Variants in DNAH17 observed in about 807,000 individuals in gnomAD.
The protein encoded by DNAH17 is dynein axonemal heavy chain 17.
DNAH17 carries 376 observed loss-of-function variants against 485.6 expected under a neutral mutation model. That is an observed-to-expected ratio of 0.77 (90% CI 0.71 to 0.84). The LOEUF is 0.84. DNAH17 is among the 40% of genes least tolerant of loss of function. The pLI, the probability that DNAH17 is intolerant of heterozygous loss-of-function variation, is 0.00. For synonymous variants in DNAH17, 3,031 were observed against 2,405.9 expected (o/e 1.26, Z -7.60); for missense variants, 6,370 against 5,839.3 (o/e 1.09, Z -2.96).
chr17:78,460,861 T>C (rs2088084533), intron 58 of DNAH17, among the ~76,000 whole-genome samples: 1 of 152,178 alleles, frequency 6.6e-6, no homozygotes, highest in Non-Finnish European at 1.5e-5. Context: ...AAGTAGCACC[T>C]CCTTCATTCA....
intron 16 of DNAH17, among the ~76,000 whole-genome samples, chr17:78,545,876 A>G (rs1019416552): frequency 2.6e-5 from 4 of 152,130 alleles, no homozygotes; most frequent in South Asian, 2.1e-4. Context: ...AGCTAAATAT[A>G]TATTTTTGCC....
intron 74 of DNAH17, among the ~76,000 whole-genome samples, chr17:78,435,008 A>G (rs1208487335): frequency 6.6e-6 from 1 of 152,234 alleles, no homozygotes; most frequent in Non-Finnish European, 1.5e-5. Context: ...CCTGGGCATC[A>G]TGGAAAGCCT....
chr17:78,476,304 G>A (rs1309284143), intron 52 of DNAH17, among the ~76,000 whole-genome samples: 1 of 148,950 alleles, frequency 6.7e-6, no homozygotes, highest in Non-Finnish European at 1.5e-5. Flanking sequence ...CCAAGTGCCG[G>A]AATTATCACG....
At chr17:78,513,159 C>G (rs556700194) in intron 26 of DNAH17, among the ~76,000 whole-genome samples, 1 of 151,912 alleles carries the variant, frequency 6.6e-6, no homozygotes, top group Non-Finnish European at 1.5e-5. Flanking sequence ...CAGGCCATGA[C>G]GGGAAGGAGG....
intron 51 of DNAH17, among the ~76,000 whole-genome samples, chr17:78,478,000 C>CATT (rs2089131079): frequency 8.3e-6 from 1 of 120,912 alleles, no homozygotes; most frequent in African/African-American, 4.5e-5. Context: ...TCACCACCAC[C>CATT]ATCATCACCA....
At position 78,569,501 on chromosome 17, in the gene DNAH17, C is replaced by G. The variant is rs780919915; in HGVS notation, c.1071G>C (p.Glu357Asp). Residue 357 changes from glutamate (E) to aspartate (D), a missense_variant, in exon 8 of 81, where the codon GAG becomes GAC. Coordinates refer to ENST00000389840, the MANE Select transcript of DNAH17 (RefSeq NM_173628.4). ...EMTRTFLSPE[E>D]VLKGLQGEIE... is the part of the protein sequence containing the mutation. ...TTTCACCTTGCAGGCCCTTCAGCAC[C>G]TCTTCCGGGCTCAGGAAGGTTCGTG... 7 of 1,608,278 alleles carry G rather than the reference C, an allele frequency of 4.4e-6. No individual in the cohort carries two copies. In the African/African-American group the frequency reaches 5.3e-5, roughly 12 times the overall value.
chr17:78,551,604 A>T lies in DNAH17; in HGVS notation c.2322T>A (p.Ile774=). ...VFQYIQEVRE[I]LHNLQNRMQK... ...GCATCCTGTTCTGCAAGTTGTGCAG[A>T]ATTTCTCGCACCTCTTGAATGTACT... Residue 774 remains isoleucine (I), a synonymous_variant, in exon 16 of 81, where the codon ATT becomes ATA. Transcript: ENST00000389840. The T allele has an allele frequency of 6.2e-7, 1 of 1,614,002 alleles. No individual in the cohort carries two copies. Among genetic ancestry groups the T allele is most frequent in the Non-Finnish European group, 8.5e-7 (1 of 1,179,896 alleles).
Position 78,507,289 on chromosome 17 carries a change from G to T in DNAH17, c.4665C>A (p.Ala1555=). 1 of 1,613,898 alleles carries T rather than the reference G, an allele frequency of 6.2e-7. No individual in the cohort carries two copies. The highest frequency in any genetic ancestry group is 1.7e-5 in the Admixed American group (1 of 60,000). The change falls in exon 29 of 81, where the codon GCC becomes GCA. Residue 1555 remains alanine (A), a synonymous_variant. Coordinates refer to ENST00000389840, the MANE Select transcript of DNAH17 (RefSeq NM_173628.4). ...GGTGTGAGCCGCACCTCTTCTTCAG[G>T]GCCTCCAGTTTATTGTAGAGGCCGG... ...SKPGLYNKLE[A]LKKSLAICEK... is the part of the protein sequence containing the mutation.
intron 16 of DNAH17, among the ~76,000 whole-genome samples, chr17:78,550,601 A>G (rs2091880874): frequency 6.6e-6 from 1 of 152,216 alleles, no homozygotes; most frequent in Non-Finnish European, 1.5e-5. Flanking sequence ...GACAGCATCT[A>G]TAACTAACCA....
chr17:78,499,312 G>T lies in DNAH17; in HGVS notation c.5641-200C>A, dbSNP rs549495176. On this transcript the variant is annotated intron_variant, in intron 36 of 80. Transcript: ENST00000389840. The stretch of plus-strand genomic sequence containing the variant: ...AACACCGTGGAGGGCTGGACACGAG[G>T]AAGAGCCATCCTTTCACCCTTGCCT... 1.7e-5 allele frequency: 7 copies of T among 413,220 alleles called. No individual in the cohort carries two copies. In the South Asian group the frequency reaches 4.1e-4, roughly 24 times the overall value. 25.6% of individuals were successfully genotyped at this position (413,220 alleles called of 1,614,324 possible). A position where few individuals can be genotyped will look rare whatever the true frequency, so the allele number is the denominator to read the frequency against.
rs774553012 is a variant in DNAH17 at position 78,498,975 on chromosome 17, C to T, written c.5745+33G>A. ...GAAAGCTGACGAGCCAGTCACCCGA[C>T]GTGACCCCGAGGCCGCAGGCAGGGG... On this transcript the variant is annotated intron_variant, in intron 37 of 80. Transcript: ENST00000389840. The T allele has an allele frequency of 4.9e-5, 75 of 1,542,578 alleles. No individual in the cohort carries two copies. In the South Asian group the frequency reaches 5.5e-4, roughly 11 times the overall value.
At position 78,529,380 on chromosome 17, in the gene DNAH17, C is replaced by T. The variant is rs1003030790; in HGVS notation, c.3507+92G>A. The T allele has an allele frequency of 2.4e-6, 3 of 1,241,982 alleles. No individual in the cohort carries two copies. The African/African-American group carries it at 4.4e-5, about 18-fold the overall frequency. The allele number at this position is 1,241,982 out of a possible 1,614,324, so 76.9% of individuals were successfully genotyped here. ...AGAGAGGATCTAGCCCACAGCATCC[C>T]CCATGGTTGCGTTTGATGGGCTGGT... On this transcript the variant is annotated intron_variant, in intron 22 of 80. Transcript: ENST00000389840.
rs775568036 is a variant in DNAH17 at position 78,466,774 on chromosome 17, G to A, written c.8821C>T (p.Arg2941Ter). ...ACCACAGCTGGGAACTTTCTGGCTC[G>A]TACCCGCAGCACGGAGCCCACAGGG... ...FSPVGSVLRVRARKFPAVVNC... is the reference protein window; with the variant it reads ...FSPVGSVLRV Residue 2941 changes from arginine (R) to a stop codon, truncating the protein, a stop_gained, in exon 56 of 81, where the codon CGA becomes TGA. Transcript: ENST00000389840. LOFTEE classifies it high-confidence loss of function. 9.3e-6 allele frequency: 15 copies of A among 1,607,084 alleles called. No individual in the cohort carries two copies. The highest frequency in any genetic ancestry group is 4.4e-5 in the South Asian group (4 of 89,942).
chr17:78,464,720 G>A (rs943011773), intron 56 of DNAH17, among the ~76,000 whole-genome samples: 15 of 152,154 alleles, frequency 9.9e-5, no homozygotes, highest in South Asian at 2.1e-4. Flanking sequence ...AGCCTGAGTC[G>A]CCCGATCTGT....
chr17:78,458,980 C>T (rs566644664), intron 61 of DNAH17, 21 bp downstream of exon 61: 133 of 1,613,112 alleles, frequency 8.2e-5, no homozygotes, highest in African/African-American at 1.9e-4. Flanking sequence ...TTCGCAGGGA[C>T]GGGAGCGAGC....
At chr17:78,442,948 C>G (rs993792776) in intron 71 of DNAH17, among the ~76,000 whole-genome samples, 1 of 152,220 alleles carries the variant, frequency 6.6e-6, no homozygotes, top group Non-Finnish European at 1.5e-5. Flanking sequence ...GTTTCAATCT[C>G]CTTGCTTTTA....
Position 78,560,932 on chromosome 17 carries a change from G to A in DNAH17, c.1839C>T (p.Val613=), listed in dbSNP as rs151284293. 2 of 1,548,492 alleles carry A rather than the reference G, an allele frequency of 1.3e-6. No individual in the cohort carries two copies. The highest frequency in any genetic ancestry group is 2.4e-5 in the South Asian group (2 of 84,016). Reference sequence around the variant, plus strand: ...TCAGCTTGGCCTCTGCTCCAGACATGACCCTGGAATCAGAGCGGGAAGGCG... The same window carrying A: ...TCAGCTTGGCCTCTGCTCCAGACATAACCCTGGAATCAGAGCGGGAAGGCG... The part of the protein sequence containing the change: ...MKHLKHVEHP[V]MSGAEAKLTY... The change falls in exon 13 of 81, where the codon GTC becomes GTT. Residue 613 remains valine, a synonymous_variant. Coordinates refer to ENST00000389840, the MANE Select transcript of DNAH17 (RefSeq NM_173628.4).
intron 67 of DNAH17, 118 bp from the exon 68 acceptor site, chr17:78,450,512 G>A: frequency 6.9e-7 from 1 of 1,459,154 alleles, no homozygotes; most frequent in Non-Finnish European, 9.3e-7. Context: ...GCTCTCAGCA[G>A]CAGCTGGGTG....
intron 17 of DNAH17, among the ~76,000 whole-genome samples, chr17:78,541,416 G>T (rs1481129728): frequency 6.6e-6 from 1 of 150,930 alleles, no homozygotes. Flanking sequence ...TGGTTGGATG[G>T]ATGGATGAAT....
Sources: gnomAD v4.1 joint callset for allele counts (sites outside exome capture counted in the v4.1 genomes callset) on GRCh38, gnomAD v4.1.1 for gene constraint, MANE v1.5 for transcripts, NCBI Gene and HGNC (gene_info 2026-07-23, HGNC 2026-07-21) for gene names.